SNX10: variants seen among roughly 807,000 people sequenced by gnomAD.
The protein encoded by SNX10 is sorting nexin 10, also known as sorting nexin-10.
SNX10 carries 25 observed loss-of-function variants against 28.5 expected under a neutral mutation model. The observed-to-expected ratio is 0.88, with a 90% CI of 0.64 to 1.22. The LOEUF (loss-of-function observed/expected upper bound fraction) is 1.22, where lower values mean the gene tolerates loss of function less well. SNX10 is among the 50% of genes most tolerant of loss of function. The probability of loss-of-function intolerance (pLI) is 0.00; values close to 1 mark genes in which losing one functional copy is unlikely to be tolerated. For synonymous variants in SNX10, 62 were observed against 81.4 expected (o/e 0.76, Z 1.28); for missense variants, 223 against 242.6 (o/e 0.92, Z 0.54).
chr7:26,302,388 G>C (rs1480425145), intron 1 of SNX10, among the ~76,000 whole-genome samples: 3 of 152,132 alleles, frequency 2.0e-5, no homozygotes, highest in African/African-American at 7.2e-5. Flanking sequence ...ACTCTACGCA[G>C]GCTGGCACCA....
chr7:26,367,927 G>A (rs1234489742), intron 5 of SNX10, among the ~76,000 whole-genome samples: 1 of 152,174 alleles, frequency 6.6e-6, no homozygotes, highest in African/African-American at 2.4e-5. Context: ...TTGAAGTTAT[G>A]AACCAGAAGC....
intron 3 of SNX10, among the ~76,000 whole-genome samples, chr7:26,361,500 G>T (rs73068484): frequency 0.17 from 25,619 of 152,242 alleles, 2,402 homozygotes; most frequent in South Asian, 0.36. Flanking sequence ...AAATGGATAT[G>T]TGCAATTATT....
At chr7:26,338,150 T>C (rs1331567881) in intron 1 of SNX10, among the ~76,000 whole-genome samples, 3 of 144,376 alleles carry the variant, frequency 2.1e-5, no homozygotes, top group Admixed American at 7.0e-5. Flanking sequence ...AGAGTCTTAC[T>C]CTGTCACCCA....
chr7:26,322,930 GGTTGT>G (rs1453121305), intron 1 of SNX10, among the ~76,000 whole-genome samples: 26 of 152,264 alleles, frequency 1.7e-4, no homozygotes, highest in African/African-American at 5.3e-4. Context: ...TATAGATTCA[GGTTGT>G]GTTAAGTGCT....
intron 1 of SNX10, among the ~76,000 whole-genome samples, chr7:26,304,166 C>T (rs746393505): frequency 6.6e-6 from 1 of 152,294 alleles, no homozygotes; most frequent in East Asian, 1.9e-4. Flanking sequence ...GTCACTCCTC[C>T]TCGGCTTGCC....
chr7:26,322,265 C>T (rs149596164), intron 1 of SNX10, among the ~76,000 whole-genome samples: 1 of 152,300 alleles, frequency 6.6e-6, no homozygotes, highest in African/African-American at 2.4e-5. Context: ...TAAAAAAGAA[C>T]ATTGGGAGTC....
intron 5 of SNX10, among the ~76,000 whole-genome samples, chr7:26,365,825 T>C (rs949069921): frequency 7.0e-6 from 1 of 143,820 alleles, no homozygotes; most frequent in Admixed American, 7.1e-5. Context: ...GCTACCTGAG[T>C]TCAGATCCTC....
intron 1 of SNX10, among the ~76,000 whole-genome samples, chr7:26,340,545 C>G (rs184268479): frequency 1.3e-5 from 2 of 152,180 alleles, no homozygotes; most frequent in Admixed American, 6.5e-5. Context: ...AGGAAGCTTT[C>G]TCCTCGAGTT....
chr7:26,338,021 T>C (rs1788002547), intron 1 of SNX10, among the ~76,000 whole-genome samples: 2 of 152,306 alleles, frequency 1.3e-5, no homozygotes, highest in African/African-American at 4.8e-5. Context: ...TAATTTCTCA[T>C]TGTGGATTAG....
intron 5 of SNX10, among the ~76,000 whole-genome samples, chr7:26,368,128 T>C (rs1434038359): frequency 6.6e-6 from 1 of 152,218 alleles, no homozygotes; most frequent in Non-Finnish European, 1.5e-5. Flanking sequence ...ATCGAACACT[T>C]TCTACGTGTT....
intron 1 of SNX10, among the ~76,000 whole-genome samples, chr7:26,308,379 A>G (rs534300112): frequency 5.9e-5 from 9 of 152,350 alleles, no homozygotes; most frequent in Middle Eastern, 3.4e-3. Context: ...GCGGCCCAGA[A>G]GAATCTGAAC....
chr7:26,360,986 T>G lies in SNX10; in HGVS notation c.36T>G (p.Ser12Arg). ...FPEQQKEEFV[S>R]VWVRDPRIQK... ...TGATGCCATTACAGGAATTTGTAAG[T>G]GTCTGGGTTCGAGATCCTAGGATTC... Residue 12 changes from serine to arginine, a missense_variant, in exon 3 of 7, where the codon AGT becomes AGG. Physicochemically the swap from Ser to Arg is moderately radical, Grantham distance 110 (BLOSUM62 -1). Transcript: ENST00000338523. 1 of 1,613,366 alleles carries G rather than the reference T, an allele frequency of 6.2e-7. No homozygotes were observed. Among genetic ancestry groups the G allele is most frequent in the Non-Finnish European group, 8.5e-7 (1 of 1,179,774 alleles).
chr7:26,306,275 T>C (rs943631833), intron 1 of SNX10, among the ~76,000 whole-genome samples: 10 of 152,154 alleles, frequency 6.6e-5, no homozygotes, highest in African/African-American at 9.7e-5. Flanking sequence ...AGGCCAGGCA[T>C]TGGACATCCG....
At chr7:26,325,329 T>TATATATATATATATATATATATG (rs1345177484) in intron 1 of SNX10, among the ~76,000 whole-genome samples, 1 of 14,970 alleles carries the variant, frequency 6.7e-5, no homozygotes, top group Non-Finnish European at 2.9e-4. Context: ...ATATATATAT[T>TATATATATATATATATATATATG]TGAGATGGAG....
intron 1 of SNX10, among the ~76,000 whole-genome samples, chr7:26,314,439 A>G (rs1786986245): frequency 6.6e-6 from 1 of 152,082 alleles, no homozygotes; most frequent in Admixed American, 6.5e-5. Context: ...AATTTTTAGT[A>G]GATGGAGTTT....
At position 26,364,672 on chromosome 7, in the gene SNX10, T is replaced by C; in HGVS notation, c.212+37T>C. 7.1e-7 allele frequency: 1 copy of C among 1,408,256 alleles called. No individual in the cohort carries two copies. The highest frequency in any genetic ancestry group is 9.9e-7 in the Non-Finnish European group (1 of 1,005,898). The allele number at this position is 1,408,256 out of a possible 1,614,324, so 87.2% of individuals were successfully genotyped here. A position where few individuals can be genotyped will look rare whatever the true frequency, so the allele number is the denominator to read the frequency against. ...AGAGTATACTGTGGAGACTTTGTCA[T>C]TATATTCAGTATTTAAAATTGACGT... On this transcript the variant is annotated intron_variant, in intron 4 of 6. Coordinates refer to ENST00000338523, the MANE Select transcript of SNX10 (RefSeq NM_013322.3). This position sits in a 1 kb window ranked among gnomAD's most constrained non-coding sequence, Gnocchi z 4.9.
chr7:26,304,226 C>T (rs921596102), intron 1 of SNX10, among the ~76,000 whole-genome samples: 1 of 152,216 alleles, frequency 6.6e-6, no homozygotes, highest in Admixed American at 6.5e-5. Context: ...GAATGAAGGC[C>T]TATGCCTTCC....
intron 1 of SNX10, among the ~76,000 whole-genome samples, chr7:26,296,052 T>C (rs1786096220): frequency 1.3e-5 from 2 of 152,172 alleles, no homozygotes; most frequent in East Asian, 3.8e-4. Flanking sequence ...GGAGGATCGC[T>C]TGAGCCCAGG....
chr7:26,329,693 G>A (rs1475290524), intron 1 of SNX10, among the ~76,000 whole-genome samples: 1 of 152,168 alleles, frequency 6.6e-6, no homozygotes, highest in Admixed American at 6.5e-5. Context: ...CCTGCTTGAG[G>A]AACAAGGCAT....
Sources: allele counts gnomAD v4.1 joint callset (sites outside exome capture counted in the v4.1 genomes callset), GRCh38; gene constraint gnomAD v4.1.1; non-coding constraint Gnocchi (gnomAD v3.1); transcripts MANE v1.5; gene names NCBI Gene and HGNC (gene_info 2026-07-23, HGNC 2026-07-21).